LHFPL6: variants seen among roughly 807,000 people sequenced by gnomAD.
LHFPL6 encodes the protein LHFPL tetraspan subfamily member 6 protein.
Under a neutral mutation model 20.6 loss-of-function variants are expected in LHFPL6, and 9 were observed. The ratio of observed to expected loss-of-function variants is 0.44; its 90% CI spans 0.26 to 0.76. The LOEUF (loss-of-function observed/expected upper bound fraction) is 0.76, where lower values mean the gene tolerates loss of function less well. Among genes scored for constraint, LHFPL6 ranks in the 30% least tolerant of loss-of-function variants. The pLI is 0.20. For synonymous variants in LHFPL6, 105 were observed against 98.7 expected (o/e 1.06, Z -0.38); for missense variants, 218 against 253.5 (o/e 0.86, Z 0.95).
intron 3 of LHFPL6, among the ~76,000 whole-genome samples, chr13:39,355,712 A>G (rs1424297778): frequency 6.6e-6 from 1 of 152,200 alleles, no homozygotes; most frequent in Non-Finnish European, 1.5e-5. Context: ...CAAATGGAAA[A>G]CAAAAAAGAG....
Position 39,390,143 on chromosome 13 carries a change from G to A in LHFPL6, c.386-11617C>T, listed in dbSNP as rs192567327. ...GAGCCCCACACCAACAGTAAAGTAG[G>A]ATGTCAGACATATTTTTAAAAAAGT... On this transcript the variant is annotated intron_variant, in intron 2 of 3. Transcript: ENST00000379589. Among the ~76,000 whole-genome samples, 59 of 97,988 alleles carry A rather than the reference G, an allele frequency of 6.0e-4. No individual in the cohort carries two copies. In the Admixed American group the frequency reaches 6.5e-3, roughly 11 times the overall value. 64.3% of individuals were successfully genotyped at this position (97,988 alleles called of 152,430 possible). A position where few individuals can be genotyped will look rare whatever the true frequency, so the allele number is the denominator to read the frequency against.
intron 2 of LHFPL6, among the ~76,000 whole-genome samples, chr13:39,453,890 G>T (rs1022692931): frequency 6.6e-6 from 1 of 152,182 alleles, no homozygotes; most frequent in Admixed American, 6.5e-5. Flanking sequence ...TGCAGTTCTA[G>T]CCCATCGGCC....
At chr13:39,497,916 G>C (rs183514817) in intron 2 of LHFPL6, among the ~76,000 whole-genome samples, 81 of 152,114 alleles carry the variant, frequency 5.3e-4, no homozygotes, top group African/African-American at 1.9e-3. Context: ...ACTTCTACAC[G>C]ATTAATACTC....
chr13:39,344,868 G>A (rs1327135097), intron 3 of LHFPL6, among the ~76,000 whole-genome samples: 4 of 152,198 alleles, frequency 2.6e-5, no homozygotes, highest in African/African-American at 4.8e-5. Flanking sequence ...TTATAATTTG[G>A]AATAAAGTGA....
intron 2 of LHFPL6, among the ~76,000 whole-genome samples, chr13:39,455,359 G>C (rs1179579642): frequency 1.3e-5 from 2 of 152,268 alleles, no homozygotes; most frequent in South Asian, 2.1e-4. Context: ...AAATTTCACA[G>C]CATGCTCTGA....
intron 2 of LHFPL6, among the ~76,000 whole-genome samples, chr13:39,524,559 A>G (rs1870227618): frequency 6.6e-6 from 1 of 152,218 alleles, no homozygotes; most frequent in Non-Finnish European, 1.5e-5. Flanking sequence ...TTTTGCAGGT[A>G]TCTTTTGATC....
chr13:39,545,621 T>C (rs1297041292), intron 2 of LHFPL6, among the ~76,000 whole-genome samples: 1 of 152,138 alleles, frequency 6.6e-6, no homozygotes, highest in Non-Finnish European at 1.5e-5. Flanking sequence ...TACCAAAATC[T>C]GGGGATGTTG....
chr13:39,567,529 C>T (rs559317986), intron 2 of LHFPL6, among the ~76,000 whole-genome samples: 4 of 152,272 alleles, frequency 2.6e-5, no homozygotes, highest in South Asian at 2.1e-4. Flanking sequence ...TCAACTTTTA[C>T]GCTTTGTGGG....
intron 2 of LHFPL6, among the ~76,000 whole-genome samples, chr13:39,404,265 T>C (rs1871061398): frequency 6.6e-6 from 1 of 152,174 alleles, no homozygotes; most frequent in South Asian, 2.1e-4. Flanking sequence ...CTAAGTGTTG[T>C]TCATGACCAA....
intron 2 of LHFPL6, among the ~76,000 whole-genome samples, chr13:39,433,237 A>G (rs1450891128): frequency 6.6e-6 from 1 of 152,184 alleles, no homozygotes; most frequent in Admixed American, 6.5e-5. Flanking sequence ...TCTAAATAGC[A>G]CCTAACTTTC....
intron 3 of LHFPL6, among the ~76,000 whole-genome samples, chr13:39,377,237 T>A (rs1593290600): frequency 6.6e-6 from 1 of 152,244 alleles, no homozygotes; most frequent in African/African-American, 2.4e-5. Flanking sequence ...CAGGTTTACC[T>A]GCCTCTCCAA....
intron 2 of LHFPL6, among the ~76,000 whole-genome samples, chr13:39,390,044 A>G (rs1870664433): frequency 6.6e-6 from 1 of 152,164 alleles, no homozygotes; most frequent in Admixed American, 6.5e-5. Flanking sequence ...ATTTCTACTT[A>G]ACTTTTTTTT....
chr13:39,459,831 A>C (rs2138427846), intron 2 of LHFPL6, among the ~76,000 whole-genome samples: 1 of 152,312 alleles, frequency 6.6e-6, no homozygotes, highest in East Asian at 1.9e-4. Flanking sequence ...CCTGAAACAT[A>C]AACAACTTCA....
chr13:39,443,270 G>A (rs994746392), intron 2 of LHFPL6, among the ~76,000 whole-genome samples: 1 of 152,054 alleles, frequency 6.6e-6, no homozygotes, highest in Non-Finnish European at 1.5e-5. Flanking sequence ...TTCTGTCATG[G>A]TATGACACAG....
At chr13:39,541,326 T>A (rs1211713065) in intron 2 of LHFPL6, among the ~76,000 whole-genome samples, 1 of 151,938 alleles carries the variant, frequency 6.6e-6, no homozygotes, top group Admixed American at 6.6e-5. Flanking sequence ...TATGAAAAAA[T>A]TCAGGCAAAA....
chr13:39,401,365 A>C (rs919916164), intron 2 of LHFPL6, among the ~76,000 whole-genome samples: 2 of 152,176 alleles, frequency 1.3e-5, no homozygotes, highest in Non-Finnish European at 2.9e-5. Flanking sequence ...GTTTCCACTT[A>C]AGAGGGGAAA....
At chr13:39,587,047 C>T (rs1346169960) in intron 2 of LHFPL6, among the ~76,000 whole-genome samples, 1 of 152,104 alleles carries the variant, frequency 6.6e-6, no homozygotes, top group Admixed American at 6.6e-5. Context: ...ATCCCAGCTA[C>T]TCAGGAGGCT....
intron 3 of LHFPL6, among the ~76,000 whole-genome samples, chr13:39,367,352 C>G (rs1416274706): frequency 1.3e-5 from 2 of 151,976 alleles, no homozygotes; most frequent in Admixed American, 6.6e-5. Flanking sequence ...CATGTATCCC[C>G]TGAATCTAAA....
intron 2 of LHFPL6, among the ~76,000 whole-genome samples, chr13:39,597,602 G>T (rs541791638): frequency 6.6e-6 from 1 of 152,266 alleles, no homozygotes; most frequent in East Asian, 1.9e-4. Context: ...AAACTCAGTT[G>T]AGGGTAACTC....
Sources: allele counts gnomAD v4.1 joint callset (sites outside exome capture counted in the v4.1 genomes callset), GRCh38; gene constraint gnomAD v4.1.1; transcripts MANE v1.5; gene names NCBI Gene and HGNC (gene_info 2026-07-23, HGNC 2026-07-21).